CNTN4: variants seen among roughly 807,000 people sequenced by gnomAD.
CNTN4 encodes the protein contactin 4.
CNTN4 carries 77 observed loss-of-function variants against 122.5 expected under a neutral mutation model. The ratio of observed to expected loss-of-function variants is 0.63; its 90% CI spans 0.52 to 0.76. CNTN4 has a LOEUF of 0.76. CNTN4 is among the 30% of genes least tolerant of loss of function. The pLI is 0.00. For synonymous variants in CNTN4, 512 were observed against 447.0 expected (o/e 1.15, Z -1.83); for missense variants, 1,256 against 1,259.1 (o/e 1.00, Z 0.04).
At chr3:2,287,581 T>G (rs2041947961) in intron 2 of CNTN4, among the ~76,000 whole-genome samples, 1 of 147,044 alleles carries the variant, frequency 6.8e-6, no homozygotes, top group South Asian at 2.1e-4. Flanking sequence ...TTAGCCTGGA[T>G]GACAGAGTGA....
intron 4 of CNTN4, among the ~76,000 whole-genome samples, chr3:2,676,583 A>G (rs1244560203): frequency 2.0e-5 from 3 of 152,170 alleles, no homozygotes; most frequent in African/African-American, 7.2e-5. Flanking sequence ...AGACAGCATC[A>G]TGGAGAAACC....
chr3:2,916,524 G>T lies in CNTN4; in HGVS notation c.1208-9105G>T, dbSNP rs572418403. Reference sequence around the variant, plus strand: ...CAGAGAGCACGGGGTTGGGGGTAAGGCCATAGATTAACAGCATCCCAAGGC... The same window carrying T: ...CAGAGAGCACGGGGTTGGGGGTAAGTCCATAGATTAACAGCATCCCAAGGC... On this transcript the variant is annotated intron_variant, in intron 12 of 24. Transcript: ENST00000418658. Among the ~76,000 whole-genome samples, 8 of 146,162 alleles carry T rather than the reference G, an allele frequency of 5.5e-5. No individual in the cohort carries two copies. In the South Asian group the frequency reaches 1.8e-3, roughly 33 times the overall value.
At chr3:2,523,516 C>T (rs184578141) in intron 3 of CNTN4, among the ~76,000 whole-genome samples, 2 of 152,054 alleles carry the variant, frequency 1.3e-5, no homozygotes, top group South Asian at 4.2e-4. Flanking sequence ...GAGTCAGAGT[C>T]TTTGGTGATG....
chr3:2,970,177 C>G (rs1577447489), intron 13 of CNTN4, among the ~76,000 whole-genome samples: 2 of 152,260 alleles, frequency 1.3e-5, no homozygotes, highest in East Asian at 3.9e-4. Flanking sequence ...TCATTTTAAC[C>G]TCTAACTCCT....
intron 4 of CNTN4, among the ~76,000 whole-genome samples, chr3:2,696,446 T>G (rs922426898): frequency 2.0e-5 from 3 of 152,208 alleles, no homozygotes; most frequent in Admixed American, 2.0e-4. Context: ...AGTTTGCTGC[T>G]TTTTGCTGTT....
chr3:2,143,623 A>C (rs1196706574), intron 2 of CNTN4, among the ~76,000 whole-genome samples: 1 of 152,166 alleles, frequency 6.6e-6, no homozygotes, highest in Non-Finnish European at 1.5e-5. Context: ...ATCAATGATA[A>C]ATATTTGTTA....
At chr3:2,514,126 TCTC>T (rs1215509833) in intron 3 of CNTN4, among the ~76,000 whole-genome samples, 2 of 152,270 alleles carry the variant, frequency 1.3e-5, no homozygotes, top group Non-Finnish European at 2.9e-5. Flanking sequence ...GAGAGTTAAA[TCTC>T]CTTGCATTCT....
At chr3:2,132,540 G>C (rs1001140235) in intron 2 of CNTN4, 1 of 152,160 alleles carries the variant, frequency 6.6e-6, no homozygotes, top group Admixed American at 6.6e-5. Flanking sequence ...AGAAAGCAAG[G>C]TCTTTCTAAT....
chr3:2,144,316 C>T (rs1414928750), intron 2 of CNTN4: 1 of 152,194 alleles, frequency 6.6e-6, no homozygotes, highest in East Asian at 1.9e-4. Flanking sequence ...ACTTGTAGGT[C>T]AGTAAAACAA....
chr3:2,702,832 T>G (rs1302193030), intron 4 of CNTN4, among the ~76,000 whole-genome samples: 1 of 152,232 alleles, frequency 6.6e-6, no homozygotes, highest in Non-Finnish European at 1.5e-5. Flanking sequence ...CATTAGGCTA[T>G]TATGAAACCA....
chr3:2,314,195 G>A (rs1217374878), intron 2 of CNTN4, among the ~76,000 whole-genome samples: 1 of 151,764 alleles, frequency 6.6e-6, no homozygotes, highest in Non-Finnish European at 1.5e-5. Context: ...CAAAGAACAT[G>A]AAGTTTCAAT....
intron 2 of CNTN4, among the ~76,000 whole-genome samples, chr3:2,190,835 T>TAC (rs71056397): frequency 4.5e-5 from 5 of 109,974 alleles, no homozygotes; most frequent in Non-Finnish European, 7.8e-5. Flanking sequence ...CACACACACA[T>TAC]ACACACACAC....
rs189824315 is a variant in CNTN4, at chr3:2,694,604, C to A, written c.56-41611C>A. 3.9e-3 allele frequency among the ~76,000 whole-genome samples: 592 copies of A among 152,284 alleles called. 7 individuals are homozygous for A. Among genetic ancestry groups the A allele is most frequent in the Admixed American group, 5.1e-3 (78 of 15,302 alleles). ...AATTAGCTGGGCATGGTGGCAGATGCCTGTAATCCCAGCTACTTAGGAGGC... is the reference window on the plus strand; with the variant it reads ...AATTAGCTGGGCATGGTGGCAGATGACTGTAATCCCAGCTACTTAGGAGGC... On this transcript the variant is annotated intron_variant, in intron 4 of 24. Coordinates refer to ENST00000418658, the MANE Select transcript of CNTN4 (RefSeq NM_175607.3).
intron 4 of CNTN4, among the ~76,000 whole-genome samples, chr3:2,666,493 C>T (rs2084171600): frequency 6.6e-6 from 1 of 151,918 alleles, no homozygotes; most frequent in African/African-American, 2.4e-5. Context: ...TTGATTTTTC[C>T]AAAGTAAGAC....
At chr3:2,105,336 C>T (rs2032345393) in intron 2 of CNTN4, among the ~76,000 whole-genome samples, 1 of 152,194 alleles carries the variant, frequency 6.6e-6, no homozygotes, top group Non-Finnish European at 1.5e-5. Context: ...GTTAATCTGG[C>T]TATGCCTAAA....
chr3:2,709,271 A>G lies in CNTN4; in HGVS notation c.56-26944A>G, dbSNP rs989993315. 2.6e-5 allele frequency among the ~76,000 whole-genome samples: 4 copies of G among 152,204 alleles called. No individual in the cohort carries two copies. In the South Asian group the frequency reaches 8.3e-4, roughly 31 times the overall value. The stretch of plus-strand genomic sequence containing the variant: ...AGTTTTGTTTTGTTTTTAAATCTTG[A>G]AAGAGACCTGAATTTATAATTAGTA... On this transcript the variant is annotated intron_variant, in intron 4 of 24. Transcript: ENST00000418658. The surrounding 1 kb of genome is among the most constrained non-coding windows in gnomAD (Gnocchi z 5.0).
At chr3:2,799,293 A>G (rs370203764) in intron 6 of CNTN4, among the ~76,000 whole-genome samples, 15 of 152,214 alleles carry the variant, frequency 9.9e-5, no homozygotes, top group African/African-American at 3.1e-4. Context: ...CAGATTGTCT[A>G]TTCACTCTGT....
chr3:2,558,300 A>G (rs530094170), intron 3 of CNTN4, among the ~76,000 whole-genome samples: 9 of 152,186 alleles, frequency 5.9e-5, no homozygotes, highest in Non-Finnish European at 1.2e-4. Flanking sequence ...CAGTTTTTCC[A>G]TAATGTCCAG....
chr3:2,168,171 C>A (rs745959549), intron 2 of CNTN4, among the ~76,000 whole-genome samples: 1 of 152,040 alleles, frequency 6.6e-6, no homozygotes, highest in South Asian at 2.1e-4. Flanking sequence ...CAAATGTAGA[C>A]TGTATATTGT....
Sources: allele counts gnomAD v4.1 joint callset (sites outside exome capture counted in the v4.1 genomes callset), GRCh38; gene constraint gnomAD v4.1.1; non-coding constraint Gnocchi (gnomAD v3.1); transcripts MANE v1.5; gene names NCBI Gene and HGNC (gene_info 2026-07-23, HGNC 2026-07-21).